The following ZNF334 variants were observed in gnomAD, a reference collection of about 807,000 sequenced individuals.
ZNF334 encodes zinc finger protein 334.
In ZNF334, 14 loss-of-function variants were observed where a neutral mutation model predicts 12.4. The observed-to-expected ratio is 1.13, with a 90% CI of 0.74 to 1.76. The LOEUF (loss-of-function observed/expected upper bound fraction) is 1.76, where lower values mean the gene tolerates loss of function less well. Among genes scored for constraint, ZNF334 ranks in the 40% most tolerant of loss-of-function variants. The probability of loss-of-function intolerance (pLI) is 0.00; values close to 1 mark genes in which losing one functional copy is unlikely to be tolerated. For synonymous variants in ZNF334, 273 were observed against 269.6 expected (o/e 1.01, Z -0.12); for missense variants, 797 against 804.5 (o/e 0.99, Z 0.11).
chr20:46,466,925 C>A, the ZNF334 span, among the ~76,000 whole-genome samples: 14 of 152,090 alleles, frequency 9.2e-5, no homozygotes, highest in East Asian at 1.9e-3. Context: ...TAAAACAAAT[C>A]ATGTTTGTTG....
At chr20:46,498,933 G>C (rs2061069575), downstream of ZNF334, among the ~76,000 whole-genome samples, 1 of 152,040 alleles carries the variant, frequency 6.6e-6, no homozygotes, top group Non-Finnish European at 1.5e-5. Context: ...CCAGCACTTT[G>C]GGAGGCCGAG....
Position 46,504,286 on chromosome 20 carries a change from CT to C in ZNF334, c.168del (p.Asp57MetfsTer2). Reference sequence around the variant, plus strand: ...CCTTGCTCCAATTTGAAAATCACATCTGGTTTGCTAACATGATACCCTGTTA... The same window carrying C: ...CCTTGCTCCAATTTGAAAATCACATCGGTTTGCTAACATGATACCCTGTTA... ...LVSVGYHVSKPDVIFKLEQGE... is the reference protein window; with the variant it reads ...LVSVGYHVSKXDVIFKLEQGE... On this transcript the variant is annotated frameshift_variant, in exon 4 of 5. Coordinates refer to ENST00000692313, the MANE Select transcript of ZNF334 (RefSeq NM_001353824.2). LOFTEE classifies it high-confidence loss of function. 1 of 1,613,876 alleles carries C rather than the reference CT, an allele frequency of 6.2e-7. No individual in the cohort carries two copies. Among genetic ancestry groups the C allele is most frequent in the Non-Finnish European group, 8.5e-7 (1 of 1,179,858 alleles).
the ZNF334 span, among the ~76,000 whole-genome samples, chr20:46,490,706 T>C: frequency 1.3e-5 from 2 of 152,180 alleles, no homozygotes; most frequent in African/African-American, 4.8e-5. Flanking sequence ...AAACTCCTAC[T>C]TCTCATCCTA....
At chr20:46,497,925 C>T (rs1346829747), downstream of ZNF334, among the ~76,000 whole-genome samples, 1 of 150,432 alleles carries the variant, frequency 6.6e-6, no homozygotes, top group Non-Finnish European at 1.5e-5. Context: ...TAGATTCCGA[C>T]CTATCTCACC....
At chr20:46,484,604 T>C in the ZNF334 span, 2 of 167,618 alleles carry the variant, frequency 1.2e-5, no homozygotes, top group African/African-American at 4.8e-5. Flanking sequence ...AAGGTCTTGT[T>C]AGTTCACAAC....
At chr20:46,506,457 C>A in intron 2 of ZNF334, 1 of 406,564 alleles carries the variant, frequency 2.5e-6, no homozygotes, top group South Asian at 9.8e-5. Context: ...AAAACCCCAT[C>A]TCTACAAAAA....
the ZNF334 span, among the ~76,000 whole-genome samples, chr20:46,466,993 T>C: frequency 6.6e-6 from 1 of 152,308 alleles, no homozygotes; most frequent in South Asian, 2.1e-4. Flanking sequence ...CTAATTCTAT[T>C]TCTATTAATG....
chr20:46,474,857 C>A, the ZNF334 span, among the ~76,000 whole-genome samples: 1 of 152,136 alleles, frequency 6.6e-6, no homozygotes, highest in Non-Finnish European at 1.5e-5. Flanking sequence ...GCTTCTATCA[C>A]CTTGGTTAAA....
downstream of ZNF334, among the ~76,000 whole-genome samples, chr20:46,498,289 T>C (rs1601002947): frequency 6.6e-6 from 1 of 152,278 alleles, no homozygotes; most frequent in African/African-American, 2.4e-5. Flanking sequence ...TTAAGTACAG[T>C]GAAAGTGATA....
At chr20:46,493,436 G>A in the ZNF334 span, among the ~76,000 whole-genome samples, 3 of 152,194 alleles carry the variant, frequency 2.0e-5, no homozygotes, top group African/African-American at 7.2e-5. Flanking sequence ...AGTTAGGAGG[G>A]GTAACATGAG....
intron 4 of ZNF334, among the ~76,000 whole-genome samples, chr20:46,503,856 A>G (rs2061337286): frequency 6.6e-6 from 1 of 152,248 alleles, no homozygotes; most frequent in Non-Finnish European, 1.5e-5. Context: ...ACAATTAAAA[A>G]GATCATGACA....
chr20:46,470,443 T>C, the ZNF334 span, among the ~76,000 whole-genome samples: 1 of 152,226 alleles, frequency 6.6e-6, no homozygotes, highest in African/African-American at 2.4e-5. Flanking sequence ...TGAGGCTTTC[T>C]GTGGGAGAGG....
chr20:46,465,630 T>C, the ZNF334 span, among the ~76,000 whole-genome samples: 1 of 151,526 alleles, frequency 6.6e-6, no homozygotes, highest in African/African-American at 2.4e-5. Context: ...GAAGCTGAGG[T>C]AGGAGGATCA....
downstream of ZNF334, among the ~76,000 whole-genome samples, chr20:46,494,893 C>T (rs1274711863): frequency 6.6e-6 from 1 of 152,176 alleles, no homozygotes; most frequent in African/African-American, 2.4e-5. Flanking sequence ...TGTATCTCTG[C>T]CATATTTCCT....
chr20:46,465,679 C>T, the ZNF334 span, among the ~76,000 whole-genome samples: 6 of 152,296 alleles, frequency 3.9e-5, no homozygotes, highest in African/African-American at 9.6e-5. Flanking sequence ...GAGCTATGAT[C>T]GTGCCACTGC....
downstream of ZNF334, among the ~76,000 whole-genome samples, chr20:46,499,047 G>A (rs1011400863): frequency 3.3e-5 from 5 of 150,786 alleles, no homozygotes; most frequent in South Asian, 2.1e-4. Flanking sequence ...AGTGGCGGGC[G>A]CCTGTAGTCC....
chr20:46,506,123 G>A, intron 2 of ZNF334: 1 of 386,960 alleles, frequency 2.6e-6, no homozygotes, highest in Non-Finnish European at 4.6e-6. Flanking sequence ...TGTGCTTGAA[G>A]TGTCTGTTGA....
At chr20:46,487,125 A>G in the ZNF334 span, among the ~76,000 whole-genome samples, 2 of 152,240 alleles carry the variant, frequency 1.3e-5, no homozygotes, top group South Asian at 2.1e-4. Flanking sequence ...TATCACATCC[A>G]TAGCATGTTT....
At chr20:46,474,297 C>T in the ZNF334 span, among the ~76,000 whole-genome samples, 12 of 151,318 alleles carry the variant, frequency 7.9e-5, no homozygotes, top group Non-Finnish European at 1.3e-4. Context: ...CACTTGAACC[C>T]GGGAGGTGGG....
Sources: gnomAD v4.1 joint callset for allele counts (sites outside exome capture counted in the v4.1 genomes callset) on GRCh38, gnomAD v4.1.1 for gene constraint, MANE v1.5 for transcripts, NCBI Gene and HGNC (gene_info 2026-07-23, HGNC 2026-07-21) for gene names.